Variants in ILDR1 observed in about 807,000 individuals in gnomAD.
ILDR1 encodes immunoglobulin like domain containing receptor 1, also known as immunoglobulin-like domain-containing receptor 1.
In ILDR1, 56 loss-of-function variants were observed where a neutral mutation model predicts 62.4. The observed-to-expected ratio is 0.90, with a 90% CI of 0.72 to 1.12. ILDR1 has a LOEUF of 1.12. Ranked by LOEUF, ILDR1 falls within the 50% of genes most tolerant of loss-of-function variation. ILDR1 has a pLI of 0.00. For missense variants in ILDR1, 736 were observed against 710.6 expected, an observed-to-expected ratio of 1.04 and a Z score of -0.41; for synonymous variants, 284 against 277.8, an observed-to-expected ratio of 1.02 and a Z score of -0.22.
chr3:122,004,780 G>A (rs1217722736), intron 3 of ILDR1, among the ~76,000 whole-genome samples: 1 of 152,162 alleles, frequency 6.6e-6, no homozygotes, highest in Non-Finnish European at 1.5e-5. Context: ...CAAGCCCAGT[G>A]TTCTTTCTTC....
rs1278668451 is a variant in ILDR1 at position 122,022,048 on chromosome 3, C to G, written c.30G>C (p.Trp10Cys). The G allele has an allele frequency of 6.2e-7, 1 of 1,611,650 alleles. No individual in the cohort carries two copies. The highest frequency in any genetic ancestry group is 2.2e-5 in the East Asian group (1 of 44,816). ...CTGGGAGCCAGGTGCAGAGCAGCAG[C>G]CAAGGTGCGGGCAGTTTGGGCCATG... MAWPKLPAPWLLLCTWLPAG... is the reference protein window; with the variant it reads MAWPKLPAPCLLLCTWLPAG... Residue 10 changes from tryptophan (W) to cysteine (C), a missense_variant, in exon 1 of 8, where the codon TGG becomes TGC. Trp to Cys is a radical substitution (Grantham distance 215). Transcript: ENST00000344209.
At chr3:122,045,218 T>A in the ILDR1 span, among the ~76,000 whole-genome samples, 89 of 150,120 alleles carry the variant, frequency 5.9e-4, no homozygotes, top group South Asian at 0.019. Flanking sequence ...TTCCATGTAG[T>A]TGAGCAGCTT....
rs954380563 is a variant in ILDR1 at position 122,007,992 on chromosome 3, C to T, written c.59-831G>A. On this transcript the variant is annotated intron_variant, in intron 1 of 7. Transcript: ENST00000344209. The stretch of plus-strand genomic sequence containing the variant: ...TGCTAACTGTGGGCTCAGAGAAAAA[C>T]GCAGTCGGCCTTCTCAAAGTCATTG... Among the ~76,000 whole-genome samples, 11 of 152,168 alleles carry T rather than the reference C, an allele frequency of 7.2e-5. No homozygotes were observed. In the South Asian group the frequency reaches 8.3e-4, roughly 11 times the overall value.
the ILDR1 span, among the ~76,000 whole-genome samples, chr3:122,051,594 A>G: frequency 1.3e-5 from 2 of 152,166 alleles, no homozygotes; most frequent in Admixed American, 6.5e-5. Flanking sequence ...CAGATAATTC[A>G]TATACCTCTG....
At chr3:122,041,942 T>G in the ILDR1 span, among the ~76,000 whole-genome samples, 1 of 149,606 alleles carries the variant, frequency 6.7e-6, no homozygotes, top group African/African-American at 2.5e-5. Flanking sequence ...ATACTTTAAG[T>G]TTTAGGGTAC....
At chr3:121,994,360 C>T (rs1183314107) in intron 5 of ILDR1, 47 bp from the exon 6 acceptor site, 2 of 1,502,532 alleles carry the variant, frequency 1.3e-6, no homozygotes, top group Admixed American at 2.1e-5. Context: ...AGGGCAAGCC[C>T]CACACCTCCC....
chr3:122,044,971 G>A, the ILDR1 span, among the ~76,000 whole-genome samples: 2 of 148,898 alleles, frequency 1.3e-5, no homozygotes, highest in Non-Finnish European at 1.5e-5. Flanking sequence ...TTTTGAATGT[G>A]TTTGCTCTTG....
chr3:122,010,314 A>G (rs956376779), intron 1 of ILDR1, among the ~76,000 whole-genome samples: 19 of 152,166 alleles, frequency 1.2e-4, no homozygotes, highest in African/African-American at 7.2e-5. Context: ...TTTCTTGTCC[A>G]TGGATCATCA....
At chr3:122,054,581 T>C in the ILDR1 span, among the ~76,000 whole-genome samples, 1 of 152,250 alleles carries the variant, frequency 6.6e-6, no homozygotes, top group Non-Finnish European at 1.5e-5. Flanking sequence ...CATTCTGTTT[T>C]CATTTTGTTT....
rs568713946 is a variant in ILDR1 at position 121,988,395 on chromosome 3, G to A, written c.1613C>T (p.Ser538Phe). ...AATGACCACACTCCTTCCACTATGA[G>A]AGCTGTCTTTCTCCTGGGAAATAGA... ...SVERRSEKDS[S>F]HSGRSVVI is the part of the protein sequence containing the mutation. Residue 538 changes from serine to phenylalanine, a missense_variant, in exon 8 of 8, where the codon TCT becomes TTT. Ser to Phe is a radical substitution (Grantham distance 155). Coordinates refer to ENST00000344209, the MANE Select transcript of ILDR1 (RefSeq NM_001199799.2). 1.9e-6 allele frequency: 3 copies of A among 1,613,626 alleles called. No individual in the cohort carries two copies. In the South Asian group the frequency reaches 3.3e-5, roughly 18 times the overall value.
At chr3:122,045,261 G>C in the ILDR1 span, among the ~76,000 whole-genome samples, 1 of 148,896 alleles carries the variant, frequency 6.7e-6, no homozygotes, top group Non-Finnish European at 1.5e-5. Flanking sequence ...GTTCTAGTTT[G>C]ATTGCACTGT....
the ILDR1 span, chr3:122,055,530 G>A: frequency 6.2e-7 from 1 of 1,612,082 alleles, no homozygotes. Flanking sequence ...ATTCTTTGCA[G>A]AGAAGTTATG....
At chr3:122,020,823 C>T (rs368617778) in intron 1 of ILDR1, among the ~76,000 whole-genome samples, 1 of 152,208 alleles carries the variant, frequency 6.6e-6, no homozygotes, top group African/African-American at 2.4e-5. Flanking sequence ...TTGTCAACTT[C>T]AGACAGTTTC....
chr3:122,010,067 C>G (rs2071681323), intron 1 of ILDR1, among the ~76,000 whole-genome samples: 1 of 152,202 alleles, frequency 6.6e-6, no homozygotes, highest in Admixed American at 6.5e-5. Context: ...GCAGGTAGAA[C>G]TAAGATCACG....
the ILDR1 span, among the ~76,000 whole-genome samples, chr3:122,037,952 G>GTCTCTC: frequency 6.7e-6 from 1 of 149,732 alleles, no homozygotes; most frequent in Non-Finnish European, 1.5e-5. Context: ...CTCTGTCTCT[G>GTCTCTC]TCTCTCTCTC....
At position 121,987,947 on chromosome 3, in the gene ILDR1, C is replaced by T; in HGVS notation, c.*420G>A. 1 of 297,230 alleles carries T rather than the reference C, an allele frequency of 3.4e-6. No homozygotes were observed. Among genetic ancestry groups the T allele is most frequent in the Non-Finnish European group, 6.6e-6 (1 of 151,834 alleles). 18.4% of individuals were successfully genotyped at this position (297,230 alleles called of 1,614,324 possible). A position where few individuals can be genotyped will look rare whatever the true frequency, so the allele number is the denominator to read the frequency against. ...AGTAATGGGGACTTGCTCTATTGCC[C>T]AGGCTGGAATACAGATGTGTGATCA... On this transcript the variant is annotated 3_prime_UTR_variant, in exon 8 of 8. Transcript: ENST00000344209.
chr3:121,991,694 A>G (rs1054475784), intron 7 of ILDR1, among the ~76,000 whole-genome samples: 1 of 152,202 alleles, frequency 6.6e-6, no homozygotes, highest in African/African-American at 2.4e-5. Flanking sequence ...GCCATTAATT[A>G]TTACAGAAAT....
rs1576714501 is a variant in ILDR1 at position 121,993,360 on chromosome 3, G to T, written c.1389C>A (p.Arg463=). ...RESTQRHGRR[R]RHRSYSPPLP... ...AGGGAGGAGAGTAGCTGCGGTGCCT[G>T]CGTCGTCTCCCGTGCCTCTGAGTGC... The change falls in exon 7 of 8, where the codon CGC becomes CGA. Residue 463 remains arginine (R), a synonymous_variant. Coordinates refer to ENST00000344209, the MANE Select transcript of ILDR1 (RefSeq NM_001199799.2). 6.2e-7 allele frequency: 1 copy of T among 1,610,022 alleles called. No individual in the cohort carries two copies. The highest frequency in any genetic ancestry group is 2.2e-5 in the East Asian group (1 of 44,758).
the ILDR1 span, among the ~76,000 whole-genome samples, chr3:122,027,294 A>T: frequency 2.0e-5 from 3 of 151,824 alleles, no homozygotes; most frequent in South Asian, 6.3e-4. Context: ...AGTTCAAGAG[A>T]CTCTCCTGCC....
Sources: allele counts gnomAD v4.1 joint callset (sites outside exome capture counted in the v4.1 genomes callset), GRCh38; gene constraint gnomAD v4.1.1; transcripts MANE v1.5; gene names NCBI Gene and HGNC (gene_info 2026-07-23, HGNC 2026-07-21).